Variants in HNRNPC observed in about 807,000 individuals in gnomAD.
HNRNPC encodes the protein heterogeneous nuclear ribonucleoproteins C1/C2.
HNRNPC carries 3 observed loss-of-function variants against 33.2 expected under a neutral mutation model. That is an observed-to-expected ratio of 0.09 (90% CI 0.04 to 0.23). The LOEUF is 0.23. Ranked by LOEUF, HNRNPC falls within the 10% of genes least tolerant of loss-of-function variation. The pLI is 1.00. For synonymous variants in HNRNPC, 121 were observed against 126.7 expected (o/e 0.96, Z 0.30); for missense variants, 143 against 366.7 (o/e 0.39, Z 4.98).
intron 5 of HNRNPC, among the ~76,000 whole-genome samples, chr14:21,223,730 A>G (rs555398231): frequency 1.3e-5 from 2 of 152,312 alleles, no homozygotes; most frequent in East Asian, 3.9e-4. Flanking sequence ...CCTGGGCAAG[A>G]GAGCCACATC....
Position 21,233,999 on chromosome 14 carries a change from A to G in HNRNPC, c.195T>C (p.Ala65=), listed in dbSNP as rs1181179967. Residue 65 remains alanine, a synonymous_variant, in exon 3 of 9, where the codon GCT becomes GCC. Transcript: ENST00000553300. ...TTCTGCCATCCTCTCCTGCTACAGC[A>G]GCCCGGGCATTTCTCTCATTAACAT... ...VQYVNERNAR[A]AVAGEDGRMI... is the part of the protein sequence containing the mutation. 2 of 1,613,958 alleles carry G rather than the reference A, an allele frequency of 1.2e-6. No homozygotes were observed. Among genetic ancestry groups the G allele is most frequent in the Non-Finnish European group, 1.7e-6 (2 of 1,179,852 alleles).
intron 3 of HNRNPC, among the ~76,000 whole-genome samples, chr14:21,232,640 T>TA: frequency 6.6e-6 from 1 of 152,354 alleles, no homozygotes; most frequent in South Asian, 2.1e-4. Flanking sequence ...GTGCTGGAAT[T>TA]ACAGGCATGA....
In HNRNPC at chr14:21,210,543, G is replaced by T. The variant is rs984032370; in HGVS notation, c.*680C>A. The T allele has an allele frequency of 1.3e-5, 2 of 151,544 alleles. No individual in the cohort carries two copies. The highest frequency in any genetic ancestry group is 3.0e-5 in the Non-Finnish European group (2 of 67,684). The allele number at this position is 151,544 out of a possible 1,614,324, so 9.4% of individuals were successfully genotyped here. Reference sequence around the variant, plus strand: ...AATAAAATACAAAAATAAAAAACCAGGGTTTTTTTTTTCTCCAAATTCCTG... The same window carrying T: ...AATAAAATACAAAAATAAAAAACCATGGTTTTTTTTTTCTCCAAATTCCTG... On this transcript the variant is annotated 3_prime_UTR_variant, in exon 9 of 9. Transcript: ENST00000553300.
At chr14:21,252,484 T>G (rs1003738860) in intron 2 of HNRNPC, among the ~76,000 whole-genome samples, 12 of 152,154 alleles carry the variant, frequency 7.9e-5, no homozygotes, top group Admixed American at 1.3e-4. Flanking sequence ...GTAATTTTTT[T>G]GTATTCTTAG....
chr14:21,247,147 AT>A (rs1024785058), intron 2 of HNRNPC, among the ~76,000 whole-genome samples: 12 of 152,290 alleles, frequency 7.9e-5, no homozygotes, highest in African/African-American at 2.4e-4. Context: ...AAGAATCCTT[AT>A]TTATCAATGT....
At position 21,229,798 on chromosome 14, in the gene HNRNPC, A is replaced by G. The variant is rs75905003; in HGVS notation, c.365+521T>C. Among the ~76,000 whole-genome samples, 319 of 152,352 alleles carry G rather than the reference A, an allele frequency of 2.1e-3. 12 individuals are homozygous for G. In the East Asian group the frequency reaches 0.057, roughly 27 times the overall value. ...ACTGGCATTATAAGACAAATAGTATATAAAGTAATATGCTTTATATATTGC... is the reference window on the plus strand; with the variant it reads ...ACTGGCATTATAAGACAAATAGTATGTAAAGTAATATGCTTTATATATTGC... On this transcript the variant is annotated intron_variant, in intron 5 of 8. Coordinates refer to ENST00000553300, the MANE Select transcript of HNRNPC (RefSeq NM_004500.4).
intron 2 of HNRNPC, among the ~76,000 whole-genome samples, chr14:21,261,685 CAG>C (rs1878276474): frequency 1.3e-5 from 2 of 152,076 alleles, no homozygotes; most frequent in African/African-American, 2.4e-5. Flanking sequence ...CGCTTGAGCC[CAG>C]GAGTTCAAGA....
At chr14:21,251,240 A>C (rs1269979420) in intron 2 of HNRNPC, among the ~76,000 whole-genome samples, 1 of 142,078 alleles carries the variant, frequency 7.0e-6, no homozygotes, top group East Asian at 2.1e-4. Flanking sequence ...CAGCCTGGAC[A>C]ACAGAGCAAG....
At chr14:21,228,155 G>C (rs947068717) in intron 5 of HNRNPC, among the ~76,000 whole-genome samples, 5 of 152,194 alleles carry the variant, frequency 3.3e-5, no homozygotes, top group African/African-American at 1.2e-4. Context: ...AGATGCTTCA[G>C]ACAAACTCAC....
chr14:21,225,355 C>G (rs993420195), intron 5 of HNRNPC, among the ~76,000 whole-genome samples: 8 of 151,762 alleles, frequency 5.3e-5, no homozygotes, highest in Non-Finnish European at 8.8e-5. Flanking sequence ...TTACTTGAAC[C>G]TGGGAGGTGG....
chr14:21,211,330 G>T, intron 8 of HNRNPC, 24 bp from the exon 9 acceptor site: 1 of 1,613,540 alleles, frequency 6.2e-7, no homozygotes, highest in Non-Finnish European at 8.5e-7. Flanking sequence ...ACACAAACAG[G>T]ATGGAGTTAG....
At position 21,210,307 on chromosome 14, in the gene HNRNPC, C is replaced by T. The variant is rs1176654001; in HGVS notation, c.*916G>A. The T allele has an allele frequency of 1.3e-5, 2 of 152,142 alleles. No individual in the cohort carries two copies. Among genetic ancestry groups the T allele is most frequent in the Non-Finnish European group, 2.9e-5 (2 of 68,028 alleles). The allele number at this position is 152,142 out of a possible 1,614,324, so 9.4% of individuals were successfully genotyped here. A position where few individuals can be genotyped will look rare whatever the true frequency, so the allele number is the denominator to read the frequency against. On this transcript the variant is annotated 3_prime_UTR_variant, in exon 9 of 9. Coordinates refer to ENST00000553300, the MANE Select transcript of HNRNPC (RefSeq NM_004500.4). ...ATGAAAAGGCAGAGAGGATATACTT[C>T]CCAAACTTTCATTAGGATGTAAAAG...
At chr14:21,220,393 A>C (rs184185560) in intron 5 of HNRNPC, among the ~76,000 whole-genome samples, 1 of 151,902 alleles carries the variant, frequency 6.6e-6, no homozygotes, top group Non-Finnish European at 1.5e-5. Context: ...ACGCCCAGCT[A>C]ATTTTTTGTA....
chr14:21,229,206 C>G (rs1015049952), intron 5 of HNRNPC, among the ~76,000 whole-genome samples: 1 of 150,814 alleles, frequency 6.6e-6, no homozygotes, highest in Non-Finnish European at 1.5e-5. Context: ...CTGGCTAACA[C>G]GATGAAGCCC....
intron 5 of HNRNPC, among the ~76,000 whole-genome samples, chr14:21,217,516 G>T (rs987378749): frequency 2.0e-5 from 3 of 152,096 alleles, no homozygotes; most frequent in Non-Finnish European, 4.4e-5. Flanking sequence ...AATTAAGGGG[G>T]AAAAAATGGA....
At chr14:21,256,730 C>T (rs1247559783) in intron 2 of HNRNPC, among the ~76,000 whole-genome samples, 1 of 151,992 alleles carries the variant, frequency 6.6e-6, no homozygotes, top group Non-Finnish European at 1.5e-5. Context: ...TCTCGGCTCA[C>T]TGCAACCTCT....
chr14:21,221,030 T>C (rs1364236447), intron 5 of HNRNPC, among the ~76,000 whole-genome samples: 1 of 152,096 alleles, frequency 6.6e-6, no homozygotes. Context: ...AAAGGTGCAG[T>C]GAGCTGAGAT....
At chr14:21,262,842 A>C (rs1878455846) in intron 2 of HNRNPC, 1 of 152,224 alleles carries the variant, frequency 6.6e-6, no homozygotes. Context: ...CACAGTTTAA[A>C]AATTTAACAA....
chr14:21,247,878 T>C (rs974957360), intron 2 of HNRNPC, among the ~76,000 whole-genome samples: 1 of 150,442 alleles, frequency 6.6e-6, no homozygotes, highest in African/African-American at 2.4e-5. Flanking sequence ...TGCCAGCTAC[T>C]TGGGAGGCCG....
Sources: gnomAD v4.1 joint callset for allele counts (sites outside exome capture counted in the v4.1 genomes callset) on GRCh38, gnomAD v4.1.1 for gene constraint, MANE v1.5 for transcripts, NCBI Gene and HGNC (gene_info 2026-07-23, HGNC 2026-07-21) for gene names.